AXIN1: variants seen among roughly 807,000 people sequenced by gnomAD.
AXIN1 encodes the protein axin-1.
Under a neutral mutation model 76.4 loss-of-function variants are expected in AXIN1, and 30 were observed. That is an observed-to-expected ratio of 0.39 (90% confidence interval 0.29 to 0.53). AXIN1 has a LOEUF of 0.53. Ranked by LOEUF, AXIN1 falls within the 20% of genes least tolerant of loss-of-function variation. AXIN1 has a pLI of 0.66. For missense variants in AXIN1, 1,140 were observed against 1,198.8 expected (o/e 0.95, Z 0.72); for synonymous variants, 545 against 501.4 (o/e 1.09, Z -1.16).
At chr16:294,254 G>A (rs1385111832) in intron 7 of AXIN1, among the ~76,000 whole-genome samples, 4 of 152,246 alleles carry the variant, frequency 2.6e-5, no homozygotes, top group South Asian at 4.1e-4. Context: ...GAGGTCAGGA[G>A]TTCAAGAACA....
chr16:334,592 C>G (rs1375528961), intron 2 of AXIN1, among the ~76,000 whole-genome samples: 1 of 151,848 alleles, frequency 6.6e-6, no homozygotes, highest in African/African-American at 2.4e-5. Flanking sequence ...ACACAGCACC[C>G]AGTACCATGG....
At chr16:325,032 G>A (rs1276367525) in intron 2 of AXIN1, among the ~76,000 whole-genome samples, 1 of 152,278 alleles carries the variant, frequency 6.6e-6, no homozygotes, top group African/African-American at 2.4e-5. Flanking sequence ...AGTCCTACCT[G>A]GCACGTTCTG....
intron 4 of AXIN1, among the ~76,000 whole-genome samples, chr16:308,904 C>A (rs1336125739): frequency 1.3e-5 from 2 of 152,170 alleles, no homozygotes; most frequent in Non-Finnish European, 2.9e-5. Context: ...TAAAGAAATT[C>A]CTGACTTGGA....
At chr16:295,390 C>CT (rs1469280861) in intron 7 of AXIN1, among the ~76,000 whole-genome samples, 1 of 151,692 alleles carries the variant, frequency 6.6e-6, no homozygotes, top group African/African-American at 2.4e-5. Context: ...GATGAGGCTT[C>CT]TTTTTTTACA....
At chr16:324,232 C>T (rs1393567771) in intron 2 of AXIN1, among the ~76,000 whole-genome samples, 5 of 152,356 alleles carry the variant, frequency 3.3e-5, no homozygotes, top group Middle Eastern at 3.4e-3. Flanking sequence ...CGGGTCGGCA[C>T]TGGGCACGAG....
intron 2 of AXIN1, among the ~76,000 whole-genome samples, chr16:332,122 A>G (rs1312788583): frequency 6.6e-6 from 1 of 152,192 alleles, no homozygotes; most frequent in African/African-American, 2.4e-5. Flanking sequence ...AGCCTTCAGC[A>G]GCGACAATGG....
At chr16:328,691 C>T (rs1268344937) in intron 2 of AXIN1, among the ~76,000 whole-genome samples, 1 of 152,030 alleles carries the variant, frequency 6.6e-6, no homozygotes, top group African/African-American at 2.4e-5. Context: ...AGCGAAACTC[C>T]ATGTCAAAAA....
rs533617433 is a variant in AXIN1, at chr16:314,463, G to A, written c.1019+80C>T. 7.3e-5 allele frequency: 117 copies of A among 1,595,430 alleles called. No homozygotes were observed. In the African/African-American group the frequency reaches 1.5e-3, roughly 20 times the overall value. On this transcript the variant is annotated intron_variant, in intron 3 of 10. Coordinates refer to ENST00000262320, the MANE Select transcript of AXIN1 (RefSeq NM_003502.4). Reference sequence around the variant, plus strand: ...TCTGGGGCAGGACTTACACATTGCTGTCCTCAAGGGACAAGGTGTCTGGGA... The same window carrying A: ...TCTGGGGCAGGACTTACACATTGCTATCCTCAAGGGACAAGGTGTCTGGGA...
chr16:292,244 C>T (rs1373872299), intron 8 of AXIN1: 1 of 152,462 alleles, frequency 6.6e-6, no homozygotes, highest in Non-Finnish European at 1.5e-5. Context: ...GCACCACACT[C>T]CAGGCTCCTG....
chr16:312,088 A>C (rs2053196672), intron 3 of AXIN1, among the ~76,000 whole-genome samples: 1 of 152,162 alleles, frequency 6.6e-6, no homozygotes, highest in Non-Finnish European at 1.5e-5. Context: ...CCACCAACCT[A>C]CTGGTTTCTT....
In AXIN1 at chr16:288,101, A is replaced by C. The variant is rs769245506; in HGVS notation, c.*21T>G. Reference sequence around the variant, plus strand: ...GCCCGCCAAGGGCCTCGCCTGGCACAGCGGCCAGCCCACCAGCCTATCAGT... The same window carrying C: ...GCCCGCCAAGGGCCTCGCCTGGCACCGCGGCCAGCCCACCAGCCTATCAGT... On this transcript the variant is annotated 3_prime_UTR_variant, in exon 11 of 11. Transcript: ENST00000262320. 6.2e-7 allele frequency: 1 copy of C among 1,612,992 alleles called. No individual in the cohort carries two copies.
At chr16:296,825 C>G (rs989663810) in intron 7 of AXIN1, among the ~76,000 whole-genome samples, 1 of 152,122 alleles carries the variant, frequency 6.6e-6, no homozygotes, top group Admixed American at 6.5e-5. Context: ...CCCTCCTGCT[C>G]GGGGCTTCAG....
chr16:291,441 TAGACA>T (rs1311522623), intron 8 of AXIN1, 144 bp from the exon 9 acceptor site: 1 of 724,320 alleles, frequency 1.4e-6, no homozygotes, highest in African/African-American at 1.7e-5. Flanking sequence ...GTTTGCAGGG[TAGACA>T]AGACACCGAG....
intron 2 of AXIN1, among the ~76,000 whole-genome samples, chr16:333,339 A>G (rs2053732936): frequency 6.6e-6 from 1 of 152,046 alleles, no homozygotes; most frequent in African/African-American, 2.4e-5. Flanking sequence ...TCTCGAAAAA[A>G]AAAAATTAGT....
chr16:310,102 G>A (rs1371945753), intron 3 of AXIN1, 33 bp from the exon 4 acceptor site: 1 of 1,576,134 alleles, frequency 6.3e-7, no homozygotes, highest in Non-Finnish European at 8.6e-7. Context: ...CGTTAACTCA[G>A]AGAGGAGCAG....
intron 2 of AXIN1, among the ~76,000 whole-genome samples, chr16:331,883 T>C (rs1342978913): frequency 6.6e-6 from 1 of 152,182 alleles, no homozygotes; most frequent in Non-Finnish European, 1.5e-5. Context: ...CGGCCACTAG[T>C]CTGACCCCCA....
At chr16:305,776 C>T (rs2053006175) in intron 4 of AXIN1, among the ~76,000 whole-genome samples, 2 of 152,004 alleles carry the variant, frequency 1.3e-5, no homozygotes, top group African/African-American at 4.8e-5. Context: ...AATCTCCTGA[C>T]CTCGTGATCC....
At position 297,243 on chromosome 16, in the gene AXIN1, T is replaced by C. The variant is rs2052736204; in HGVS notation, c.1785-17A>G. On this transcript the variant is annotated splice_polypyrimidine_tract_variant and intron_variant, in intron 6 of 10. Transcript: ENST00000262320. The stretch of plus-strand genomic sequence containing the variant: ...ACCTTCCCACTGCAAGGGCAAGAGC[T>C]GCGAGTCGCCCTGGCCTCCGGTGGC... 6.2e-7 allele frequency: 1 copy of C among 1,603,088 alleles called. No individual in the cohort carries two copies. The highest frequency in any genetic ancestry group is 1.7e-5 in the Admixed American group (1 of 59,994).
rs188675848 is a variant in AXIN1, at chr16:315,945, T to C, written c.879-1262A>G. ...GCACGCACCTGTAATCCCAGCTACT[T>C]GGGAGGCTGAGGCAAGAGAATCGCT... is the stretch of plus-strand genomic sequence containing the variant. On this transcript the variant is annotated intron_variant, in intron 2 of 10. Coordinates refer to ENST00000262320, the MANE Select transcript of AXIN1 (RefSeq NM_003502.4). 1.8e-3 allele frequency among the ~76,000 whole-genome samples: 279 copies of C among 151,954 alleles called. 2 individuals are homozygous for C. Among genetic ancestry groups the C allele is most frequent in the African/African-American group, 6.2e-3 (257 of 41,422 alleles).
Sources: gnomAD v4.1 joint callset for allele counts (sites outside exome capture counted in the v4.1 genomes callset) on GRCh38, gnomAD v4.1.1 for gene constraint, MANE v1.5 for transcripts, NCBI Gene and HGNC (gene_info 2026-07-23, HGNC 2026-07-21) for gene names.